Variants in AXDND1 observed in about 807,000 individuals in gnomAD.
The protein encoded by AXDND1 is axonemal dynein light chain domain containing 1.
Under a neutral mutation model 137.5 loss-of-function variants are expected in AXDND1, and 110 were observed. The observed-to-expected ratio is 0.80, with a 90% confidence interval of 0.69 to 0.94. AXDND1 has a LOEUF of 0.94. Ranked by LOEUF, AXDND1 falls within the 40% of genes least tolerant of loss-of-function variation. The probability of loss-of-function intolerance (pLI) is 0.00; values close to 1 mark genes in which losing one functional copy is unlikely to be tolerated. For synonymous variants in AXDND1, 414 were observed against 399.7 expected, an observed-to-expected ratio of 1.04 and a Z score of -0.43; for missense variants, 1,191 against 1,169.8, an observed-to-expected ratio of 1.02 and a Z score of -0.26.
intron 6 of AXDND1, among the ~76,000 whole-genome samples, chr1:179,380,870 C>T (rs945828469): frequency 6.6e-6 from 1 of 152,078 alleles, no homozygotes; most frequent in African/African-American, 2.4e-5. Context: ...CCTTGAGTCA[C>T]TGGTTGTTTA....
chr1:179,523,892 C>T (rs137892952), intron 21 of AXDND1, among the ~76,000 whole-genome samples: 1,927 of 152,252 alleles, frequency 0.013, 18 homozygotes, highest in Non-Finnish European at 0.02. Flanking sequence ...TCCCCAAAGT[C>T]CATTGTATCA....
chr1:179,379,474 T>C lies in AXDND1; in HGVS notation c.573T>C (p.Cys191=). The C allele has an allele frequency of 6.2e-7, 1 of 1,613,246 alleles. No individual in the cohort carries two copies. Residue 191 remains cysteine, a synonymous_variant, in exon 6 of 26, where the codon TGT becomes TGC. Transcript: ENST00000367618. The stretch of plus-strand genomic sequence containing the variant: ...GTACAGGAGTTTCAGGTTTGGAGTG[T>C]TATGATGAGTGAGTACTATGATATG... The part of the protein sequence containing the change: ...VSSTGVSGLE[C]YDDKYTTLLT...
intron 17 of AXDND1, among the ~76,000 whole-genome samples, chr1:179,475,347 A>C (rs1034699318): frequency 6.6e-6 from 1 of 152,216 alleles, no homozygotes; most frequent in African/African-American, 2.4e-5. Context: ...ATTCAACACC[A>C]GACCATGAAA....
rs1558148039 is a variant in AXDND1 at position 179,418,005 on chromosome 1, T to TTTATTTATTTA, written c.1230+6741_1230+6742insATTTATTTATT. Among the ~76,000 whole-genome samples the TTTATTTATTTA allele has an allele frequency of 6.9e-3, 1,038 of 150,432 alleles. 31 individuals carry two copies. The highest frequency in any genetic ancestry group is 0.045 in the East Asian group (228 of 5,116). On this transcript the variant is annotated intron_variant, in intron 12 of 25. Transcript: ENST00000367618. ...TTTTATTTTATTTATTTATTTATTT[T>TTTATTTATTTA]TTTATTGATCATTCTTGGGTGTTTC...
intron 17 of AXDND1, among the ~76,000 whole-genome samples, chr1:179,475,577 G>A (rs1438098737): frequency 2.6e-5 from 4 of 152,232 alleles, no homozygotes; most frequent in Admixed American, 6.5e-5. Flanking sequence ...TGAAATGAGA[G>A]CATTTATCCA....
chr1:179,399,279 T>G (rs1325726756), intron 11 of AXDND1, among the ~76,000 whole-genome samples: 1 of 152,074 alleles, frequency 6.6e-6, no homozygotes. Context: ...ACCCAAATAC[T>G]TACAGCCAAT....
chr1:179,430,725 G>C, intron 14 of AXDND1, 119 bp downstream of exon 14: 1 of 1,135,704 alleles, frequency 8.8e-7, no homozygotes, highest in South Asian at 1.6e-5. Context: ...ATTTTGGGGA[G>C]CAGTCCCTAT....
intron 15 of AXDND1, among the ~76,000 whole-genome samples, chr1:179,433,749 C>A (rs1247597081): frequency 2.0e-5 from 3 of 152,088 alleles, no homozygotes; most frequent in African/African-American, 7.2e-5. Flanking sequence ...GATTTCAGTT[C>A]TTTTGCATTT....
chr1:179,383,363 A>G, intron 7 of AXDND1, 79 bp from the exon 8 acceptor site: 2 of 1,026,394 alleles, frequency 1.9e-6, no homozygotes, highest in South Asian at 2.8e-5. Context: ...TTCTCTTTAC[A>G]CATATTATAT....
intron 17 of AXDND1, among the ~76,000 whole-genome samples, chr1:179,473,343 T>C (rs12133049): frequency 0.46 from 69,178 of 151,508 alleles, 16,635 homozygotes; most frequent in East Asian, 0.76. Flanking sequence ...ACTAAAAATA[T>C]AAAAATTAGC....
chr1:179,440,826 C>A (rs1485614772), intron 15 of AXDND1, among the ~76,000 whole-genome samples: 1 of 152,116 alleles, frequency 6.6e-6, no homozygotes, highest in Non-Finnish European at 1.5e-5. Flanking sequence ...AGTTTCTATG[C>A]GACCGGCTAC....
chr1:179,419,355 C>T (rs1463322809), intron 12 of AXDND1, among the ~76,000 whole-genome samples: 2 of 151,870 alleles, frequency 1.3e-5, no homozygotes, highest in Non-Finnish European at 2.9e-5. Flanking sequence ...ACTCTGTCTG[C>T]AATCCCGGCA....
At chr1:179,535,076 T>G in intron 25 of AXDND1, 114 bp downstream of exon 25, 1 of 1,474,722 alleles carries the variant, frequency 6.8e-7, no homozygotes. Context: ...TCTACTAGTT[T>G]ATACTTCTCA....
At chr1:179,472,081 G>T (rs1664013692) in intron 17 of AXDND1, among the ~76,000 whole-genome samples, 1 of 152,096 alleles carries the variant, frequency 6.6e-6, no homozygotes, top group African/African-American at 2.4e-5. Context: ...ATTTTTAGTA[G>T]AGACAGGGTT....
At chr1:179,465,455 A>G (rs1662989324) in intron 16 of AXDND1, among the ~76,000 whole-genome samples, 1 of 152,196 alleles carries the variant, frequency 6.6e-6, no homozygotes, top group African/African-American at 2.4e-5. Flanking sequence ...AGAATGGCAA[A>G]TGTTTCTGCC....
intron 16 of AXDND1, chr1:179,456,840 T>A: frequency 1.2e-6 from 1 of 808,944 alleles, no homozygotes; most frequent in Non-Finnish European, 2.2e-6. Flanking sequence ...CACAGTATGC[T>A]ATTTCTGAAT....
At chr1:179,492,995 GT>G in intron 20 of AXDND1, 44 bp downstream of exon 20, 4 of 1,401,198 alleles carry the variant, frequency 2.9e-6, no homozygotes, top group Non-Finnish European at 3.9e-6. Flanking sequence ...TGTTTTGTTT[GT>G]TTTTATCAGA....
chr1:179,502,629 G>T (rs1264059087), intron 20 of AXDND1, among the ~76,000 whole-genome samples: 1 of 150,926 alleles, frequency 6.6e-6, no homozygotes, highest in Non-Finnish European at 1.5e-5. Flanking sequence ...AAGAATGAGG[G>T]AGCAACAGGT....
chr1:179,463,762 T>A (rs1372032757), intron 16 of AXDND1, among the ~76,000 whole-genome samples: 1 of 152,142 alleles, frequency 6.6e-6, no homozygotes, highest in Non-Finnish European at 1.5e-5. Context: ...CTAAGTCTCT[T>A]TGTAGGTCTC....
Sources: gnomAD v4.1 joint callset for allele counts (sites outside exome capture counted in the v4.1 genomes callset) on GRCh38, gnomAD v4.1.1 for gene constraint, MANE v1.5 for transcripts, NCBI Gene and HGNC (gene_info 2026-07-23, HGNC 2026-07-21) for gene names.